LRFN5: variants seen among roughly 807,000 people sequenced by gnomAD.
The protein encoded by LRFN5 is leucine rich repeat and fibronectin type III domain containing 5, also known as leucine-rich repeat and fibronectin type-III domain-containing protein 5.
A neutral mutation model predicts 45.6 loss-of-function variants in LRFN5; 24 were observed. The observed-to-expected ratio is 0.53, with a 90% confidence interval of 0.38 to 0.74. The LOEUF (loss-of-function observed/expected upper bound fraction) is 0.74. LRFN5 is among the 30% of genes least tolerant of loss of function. The pLI is 0.00. For synonymous variants in LRFN5, 340 were observed against 313.8 expected (o/e 1.08, Z -0.88); for missense variants, 776 against 861.5 (o/e 0.90, Z 1.24).
intron 2 of LRFN5, among the ~76,000 whole-genome samples, chr14:41,874,104 T>G (rs560450552): frequency 2.6e-5 from 4 of 152,176 alleles, no homozygotes; most frequent in Non-Finnish European, 5.9e-5. Flanking sequence ...GCTGCTATAT[T>G]GGAAGAAACA....
At chr14:41,763,562 G>A (rs1307356849) in intron 1 of LRFN5, among the ~76,000 whole-genome samples, 1 of 152,120 alleles carries the variant, frequency 6.6e-6, no homozygotes, top group African/African-American at 2.4e-5. Context: ...CATGTGTCGT[G>A]TCGTGGGAGG....
chr14:41,703,537 T>C (rs1882923507), intron 1 of LRFN5, among the ~76,000 whole-genome samples: 1 of 152,088 alleles, frequency 6.6e-6, no homozygotes, highest in South Asian at 2.1e-4. Flanking sequence ...GGTAAGACAG[T>C]GTTTTTTTTT....
At chr14:41,628,360 T>C (rs1888413449) in intron 1 of LRFN5, among the ~76,000 whole-genome samples, 1 of 152,160 alleles carries the variant, frequency 6.6e-6, no homozygotes, top group African/African-American at 2.4e-5. Flanking sequence ...TCAACAAATA[T>C]TTATTGCTAA....
At chr14:41,849,709 T>C (rs535962050) in intron 2 of LRFN5, among the ~76,000 whole-genome samples, 2 of 152,144 alleles carry the variant, frequency 1.3e-5, no homozygotes, top group South Asian at 4.1e-4. Flanking sequence ...ACTGCATGCA[T>C]GGTGTAAATT....
intron 1 of LRFN5, among the ~76,000 whole-genome samples, chr14:41,687,502 A>T (rs1200680639): frequency 6.6e-6 from 1 of 152,246 alleles, no homozygotes; most frequent in Non-Finnish European, 1.5e-5. Context: ...CACCCAAGGG[A>T]ATGTAAATCA....
chr14:41,873,433 G>C (rs1402127829), intron 2 of LRFN5, among the ~76,000 whole-genome samples: 2 of 151,796 alleles, frequency 1.3e-5, no homozygotes, highest in Non-Finnish European at 2.9e-5. Flanking sequence ...GAGAGAGAGA[G>C]AGAGAGAGAG....
chr14:41,837,537 A>G (rs1192237518), intron 2 of LRFN5, among the ~76,000 whole-genome samples: 1 of 152,222 alleles, frequency 6.6e-6, no homozygotes, highest in African/African-American at 2.4e-5. Context: ...TCTCAGCTGT[A>G]CAATCTGGCC....
chr14:41,866,165 G>A (rs1212029549), intron 2 of LRFN5, among the ~76,000 whole-genome samples: 3 of 152,128 alleles, frequency 2.0e-5, no homozygotes, highest in Non-Finnish European at 4.4e-5. Flanking sequence ...TTATCTAGAA[G>A]TTTTATGGGG....
chr14:41,765,185 CA>C (rs535901323), intron 1 of LRFN5, among the ~76,000 whole-genome samples: 1,905 of 151,620 alleles, frequency 0.013, 11 homozygotes, highest in Middle Eastern at 0.034. Context: ...ACTAAAAGTA[CA>C]AAAAAATTAG....
chr14:41,887,575 C>A lies in LRFN5; in HGVS notation c.950C>A (p.Ala317Glu). 2 of 1,614,202 alleles carry A rather than the reference C, an allele frequency of 1.2e-6. No homozygotes were observed. The highest frequency in any genetic ancestry group is 1.3e-5 in the African/African-American group (1 of 75,066). ...RCKARGDPEP[A>E]IHWISPEGKL... Reference sequence around the variant, plus strand: ...AAAGCCAGGGGAGACCCTGAGCCTGCAATTCACTGGATTTCTCCTGAAGGG... The same window carrying A: ...AAAGCCAGGGGAGACCCTGAGCCTGAAATTCACTGGATTTCTCCTGAAGGG... The change falls in exon 3 of 6, where the codon GCA (alanine) becomes GAA (glutamate). Residue 317 changes from alanine (A) to glutamate (E), a missense_variant. Ala to Glu is a moderately radical substitution (Grantham distance 107). Coordinates refer to ENST00000298119, the MANE Select transcript of LRFN5 (RefSeq NM_152447.5). The surrounding 1 kb of genome is among the most constrained non-coding windows in gnomAD (Gnocchi z 4.8).
At chr14:41,803,186 C>T (rs866685678) in intron 2 of LRFN5, among the ~76,000 whole-genome samples, 2 of 152,066 alleles carry the variant, frequency 1.3e-5, no homozygotes, top group Non-Finnish European at 2.9e-5. Context: ...ATCCCCAGAA[C>T]AAATAATATA....
intron 2 of LRFN5, among the ~76,000 whole-genome samples, chr14:41,799,777 A>G (rs192988407): frequency 2.6e-4 from 40 of 152,130 alleles, no homozygotes; most frequent in African/African-American, 9.6e-4. Flanking sequence ...GAAGTTGAGG[A>G]AGTGTGGCTC....
chr14:41,791,387 C>T (rs528798899), intron 2 of LRFN5, among the ~76,000 whole-genome samples: 55 of 151,940 alleles, frequency 3.6e-4, no homozygotes, highest in Non-Finnish European at 6.3e-4. Context: ...CTACCTGTCT[C>T]CTCAGCATAA....
chr14:41,623,687 A>C (rs1368146039), intron 1 of LRFN5, among the ~76,000 whole-genome samples: 1 of 152,144 alleles, frequency 6.6e-6, no homozygotes, highest in African/African-American at 2.4e-5. Context: ...TCTAGTTTTA[A>C]TTGGAAACTG....
chr14:41,650,266 C>CACACACACACACAAAA (rs1247683262), intron 1 of LRFN5, among the ~76,000 whole-genome samples: 37 of 135,514 alleles, frequency 2.7e-4, no homozygotes, highest in African/African-American at 1.0e-3. Context: ...CACACACACA[C>CACACACACACACAAAA]AAAAAAAAAA....
intron 1 of LRFN5, among the ~76,000 whole-genome samples, chr14:41,616,351 C>T (rs1470868889): frequency 6.6e-6 from 1 of 152,118 alleles, no homozygotes; most frequent in East Asian, 1.9e-4. Context: ...CTTTAAGTCA[C>T]AGAAGCCAAA....
intron 2 of LRFN5, among the ~76,000 whole-genome samples, chr14:41,795,950 C>G (rs1423766523): frequency 1.3e-5 from 2 of 151,738 alleles, no homozygotes. Flanking sequence ...GCTAAACACT[C>G]TGTCATCGGA....
At chr14:41,868,915 A>C (rs1889927630) in intron 2 of LRFN5, among the ~76,000 whole-genome samples, 1 of 152,162 alleles carries the variant, frequency 6.6e-6, no homozygotes, top group Non-Finnish European at 1.5e-5. Flanking sequence ...TGGAAACTAC[A>C]TTCCCTCCAA....
intron 1 of LRFN5, among the ~76,000 whole-genome samples, chr14:41,690,935 T>C (rs1451413357): frequency 6.6e-6 from 1 of 152,058 alleles, no homozygotes; most frequent in African/African-American, 2.4e-5. Context: ...TTTTAATATT[T>C]TTAGGCTTAT....
Sources: gnomAD v4.1 joint callset for allele counts (sites outside exome capture counted in the v4.1 genomes callset) on GRCh38, gnomAD v4.1.1 for gene constraint, Gnocchi (gnomAD v3.1) non-coding constraint, MANE v1.5 for transcripts, NCBI Gene and HGNC (gene_info 2026-07-23, HGNC 2026-07-21) for gene names.